The following SYN3 variants were observed in gnomAD, a reference collection of about 807,000 sequenced individuals.
SYN3 encodes the protein synapsin III, also known as synapsin-3.
SYN3 carries 35 observed loss-of-function variants against 65.8 expected under a neutral mutation model. That is an observed-to-expected ratio of 0.53 (90% CI 0.41 to 0.70). The LOEUF is 0.70. Among genes scored for constraint, SYN3 ranks in the 30% least tolerant of loss-of-function variants. SYN3 has a pLI of 0.00. For missense variants in SYN3, 680 were observed against 749.0 expected (o/e 0.91, Z 1.08); for synonymous variants, 270 against 292.9 (o/e 0.92, Z 0.80).
chr22:32,981,947 A>T (rs2145659377), intron 2 of SYN3, among the ~76,000 whole-genome samples: 1 of 152,312 alleles, frequency 6.6e-6, no homozygotes, highest in South Asian at 2.1e-4. Flanking sequence ...CCTCCAATTT[A>T]GTCTTCAGAA....
At chr22:32,526,688 T>C (rs1301132586) in intron 12 of SYN3, among the ~76,000 whole-genome samples, 5 of 151,936 alleles carry the variant, frequency 3.3e-5, no homozygotes. Context: ...CTGGCTAGTT[T>C]TTTTGTATTT....
intron 6 of SYN3, among the ~76,000 whole-genome samples, chr22:32,818,001 A>C (rs1215689139): frequency 6.6e-6 from 1 of 152,198 alleles, no homozygotes; most frequent in Non-Finnish European, 1.5e-5. Flanking sequence ...TATGCATACA[A>C]ATTTCAAGAG....
intron 6 of SYN3, among the ~76,000 whole-genome samples, chr22:32,630,379 G>A (rs1405113348): frequency 2.6e-5 from 4 of 152,144 alleles, no homozygotes; most frequent in African/African-American, 7.2e-5. Flanking sequence ...GAGGCTACAC[G>A]TATGTCCCAC....
intron 2 of SYN3, among the ~76,000 whole-genome samples, chr22:32,994,765 G>A (rs2052830319): frequency 6.6e-6 from 1 of 152,108 alleles, no homozygotes; most frequent in Admixed American, 6.5e-5. Context: ...CAGCCCTCCA[G>A]CACATCCAGC....
chr22:32,880,669 G>T (rs1246771298), intron 4 of SYN3, among the ~76,000 whole-genome samples: 2 of 152,146 alleles, frequency 1.3e-5, no homozygotes, highest in Admixed American at 1.3e-4. Context: ...TGGCAAAGAG[G>T]ATGTGAGCAG....
intron 6 of SYN3, among the ~76,000 whole-genome samples, chr22:32,617,938 C>A (rs2059543015): frequency 6.6e-6 from 1 of 151,902 alleles, no homozygotes; most frequent in African/African-American, 2.4e-5. Context: ...TAGTAGTAGG[C>A]ACTCTATTGT....
chr22:32,744,813 C>G, intron 6 of SYN3, among the ~76,000 whole-genome samples: 1 of 152,026 alleles, frequency 6.6e-6, no homozygotes, highest in East Asian at 1.9e-4. Context: ...CGATTGCCCA[C>G]GCAGCAGGGT....
chr22:32,924,668 C>T (rs2050421727), intron 4 of SYN3, among the ~76,000 whole-genome samples: 1 of 152,210 alleles, frequency 6.6e-6, no homozygotes, highest in African/African-American at 2.4e-5. Flanking sequence ...GGTGTGTAAA[C>T]ACATTAAATT....
intron 1 of SYN3, among the ~76,000 whole-genome samples, chr22:33,027,478 T>C (rs77884983): frequency 0.11 from 17,016 of 151,914 alleles, 1,307 homozygotes; most frequent in East Asian, 0.36. Flanking sequence ...ACGTCTGTAA[T>C]TGCAGCTACT....
chr22:32,624,617 G>T (rs2059639959), intron 6 of SYN3, among the ~76,000 whole-genome samples: 1 of 152,172 alleles, frequency 6.6e-6, no homozygotes, highest in Admixed American at 6.5e-5. Context: ...AAAGATTTCG[G>T]CGATGACTCC....
chr22:32,813,246 C>T (rs952225573), intron 6 of SYN3, among the ~76,000 whole-genome samples: 4 of 152,104 alleles, frequency 2.6e-5, no homozygotes, highest in African/African-American at 9.7e-5. Flanking sequence ...TATTATAAGA[C>T]AAGCAATAAA....
chr22:33,017,474 C>T (rs945650182), intron 1 of SYN3, among the ~76,000 whole-genome samples: 1 of 152,152 alleles, frequency 6.6e-6, no homozygotes, highest in African/African-American at 2.4e-5. Context: ...TTGGTTAGTA[C>T]GGACATATCA....
chr22:32,867,817 G>A lies in SYN3; in HGVS notation c.621+1149C>T, dbSNP rs533376313. On this transcript the variant is annotated intron_variant, in intron 5 of 13. Transcript: ENST00000358763. ...AGCATGGTCTCGATCTCTTGATCTCGTGATACACCCGCCTCGGCCTCCCAA... is the reference window on the plus strand; with the variant it reads ...AGCATGGTCTCGATCTCTTGATCTCATGATACACCCGCCTCGGCCTCCCAA... 8.5e-5 allele frequency among the ~76,000 whole-genome samples: 13 copies of A among 152,298 alleles called. No individual in the cohort carries two copies. In the East Asian group the frequency reaches 1.7e-3, roughly 20 times the overall value.
At chr22:32,952,031 G>T (rs574931382) in intron 3 of SYN3, among the ~76,000 whole-genome samples, 2 of 152,222 alleles carry the variant, frequency 1.3e-5, no homozygotes, top group African/African-American at 4.8e-5. Context: ...TGCTGGTCCT[G>T]GGGGGGATCA....
At chr22:32,627,118 CG>C (rs1402908268) in intron 6 of SYN3, among the ~76,000 whole-genome samples, 2 of 151,728 alleles carry the variant, frequency 1.3e-5, no homozygotes, top group Non-Finnish European at 2.9e-5. Context: ...CCCACCCTCC[CG>C]GGGTCGTTGT....
intron 7 of SYN3, among the ~76,000 whole-genome samples, chr22:32,572,351 T>TAG: frequency 2.9e-5 from 3 of 104,742 alleles, no homozygotes; most frequent in Non-Finnish European, 5.5e-5. Flanking sequence ...CTTCCTTCCT[T>TAG]CCCTTACTTC....
intron 4 of SYN3, among the ~76,000 whole-genome samples, chr22:32,873,844 C>T (rs1027327421): frequency 1.3e-5 from 2 of 151,972 alleles, no homozygotes; most frequent in Non-Finnish European, 2.9e-5. Context: ...TTAGATGAGT[C>T]GGCCAAATGC....
intron 10 of SYN3, among the ~76,000 whole-genome samples, chr22:32,531,125 G>A (rs939764218): frequency 7.6e-6 from 1 of 132,244 alleles, no homozygotes; most frequent in Non-Finnish European, 1.5e-5. Context: ...TCTTTCCCCT[G>A]GCGACAGAAT....
intron 6 of SYN3, among the ~76,000 whole-genome samples, chr22:32,664,859 G>A (rs993305085): frequency 1.3e-5 from 2 of 151,470 alleles, no homozygotes; most frequent in Admixed American, 1.3e-4. Context: ...CAATCTGCCC[G>A]CCTCCACCTC....
Sources: gnomAD v4.1 joint callset for allele counts (sites outside exome capture counted in the v4.1 genomes callset) on GRCh38, gnomAD v4.1.1 for gene constraint, MANE v1.5 for transcripts, NCBI Gene and HGNC (gene_info 2026-07-23, HGNC 2026-07-21) for gene names.